The following CTNNA1 variants were observed in gnomAD, a reference collection of about 807,000 sequenced individuals.
The protein encoded by CTNNA1 is catenin alpha 1.
A neutral mutation model predicts 98.4 loss-of-function variants in CTNNA1; 37 were observed. The observed-to-expected ratio is 0.38, with a 90% CI of 0.29 to 0.49. The LOEUF (loss-of-function observed/expected upper bound fraction) is 0.49, where lower values mean the gene tolerates loss of function less well. Ranked by LOEUF, CTNNA1 falls within the 20% of genes least tolerant of loss-of-function variation. The pLI is 0.95. For synonymous variants in CTNNA1, 404 were observed against 413.2 expected (o/e 0.98, Z 0.27); for missense variants, 761 against 1,147.2 (o/e 0.66, Z 4.86).
intron 3 of CTNNA1, among the ~76,000 whole-genome samples, chr5:138,800,947 A>G (rs960748185): frequency 6.6e-6 from 1 of 152,178 alleles, no homozygotes; most frequent in African/African-American, 2.4e-5. Flanking sequence ...TAGTACTTCC[A>G]GCATCACTAG....
chr5:138,851,177 CAG>C (rs952758755), intron 7 of CTNNA1, among the ~76,000 whole-genome samples: 8 of 152,118 alleles, frequency 5.3e-5, no homozygotes, highest in Non-Finnish European at 1.0e-4. Context: ...TCATGGATGA[CAG>C]GGGGCAGAGA....
At chr5:138,806,050 A>AT (rs1243407007) in intron 3 of CTNNA1, among the ~76,000 whole-genome samples, 1 of 152,146 alleles carries the variant, frequency 6.6e-6, no homozygotes, top group Non-Finnish European at 1.5e-5. Context: ...GTTTTGATAA[A>AT]TTTTGTAAGT....
At chr5:138,857,446 A>G (rs1303782622) in intron 7 of CTNNA1, among the ~76,000 whole-genome samples, 2 of 152,100 alleles carry the variant, frequency 1.3e-5, no homozygotes, top group South Asian at 4.2e-4. Context: ...TTTTGTACCA[A>G]GCTCAAAGCT....
chr5:138,785,279 T>C (rs906858023), intron 3 of CTNNA1, among the ~76,000 whole-genome samples: 1 of 151,860 alleles, frequency 6.6e-6, no homozygotes, highest in Non-Finnish European at 1.5e-5. Flanking sequence ...GCCGGGATGG[T>C]CTCGATCTCC....
At chr5:138,779,718 T>G (rs1258710587) in intron 1 of CTNNA1, among the ~76,000 whole-genome samples, 4 of 64,500 alleles carry the variant, frequency 6.2e-5, no homozygotes, top group East Asian at 0.016. Context: ...TTTTTTTTTG[T>G]TTTTGTTTTT....
chr5:138,815,004 G>A (rs377397988), intron 5 of CTNNA1, among the ~76,000 whole-genome samples: 4 of 152,028 alleles, frequency 2.6e-5, no homozygotes, highest in South Asian at 2.1e-4. Flanking sequence ...CACCTGCCTC[G>A]GTCTCCCAAA....
At chr5:138,837,531 TCC>T (rs551423044) in intron 7 of CTNNA1, among the ~76,000 whole-genome samples, 7 of 89,290 alleles carry the variant, frequency 7.8e-5, no homozygotes, top group Non-Finnish European at 1.1e-4. Context: ...CTCCCTCTCC[TCC>T]CCCCCCTTTC....
At chr5:138,931,509 G>A (rs1765312952) in intron 16 of CTNNA1, 1 of 771,242 alleles carries the variant, frequency 1.3e-6, no homozygotes, top group African/African-American at 1.9e-5. Context: ...GCCACAGGAT[G>A]TGTGAGACAC....
At chr5:138,809,222 A>G (rs934002947) in intron 3 of CTNNA1, among the ~76,000 whole-genome samples, 2 of 152,218 alleles carry the variant, frequency 1.3e-5, no homozygotes, top group Admixed American at 6.5e-5. Context: ...TCTATTTTAT[A>G]TGTTTTTAGC....
chr5:138,924,260 TTGTG>T (rs963794876), intron 11 of CTNNA1, among the ~76,000 whole-genome samples: 2 of 151,534 alleles, frequency 1.3e-5, no homozygotes, highest in Admixed American at 6.6e-5. Flanking sequence ...CCTGTTTTTT[TTGTG>T]TGTGTTTTTT....
rs386405098 is a variant in CTNNA1 at position 138,921,596 on chromosome 5, A to ATTTTTTTTTTT, written c.1547-2901_1547-2891dup. Among the ~76,000 whole-genome samples the ATTTTTTTTTTT allele has an allele frequency of 6.7e-5, 7 of 104,036 alleles. 1 individual carries two copies. Among genetic ancestry groups the ATTTTTTTTTTT allele is most frequent in the African/African-American group, 2.9e-4 (7 of 24,470 alleles). The allele number at this position is 104,036 out of a possible 152,430, so 68.3% of individuals were successfully genotyped here. ...AAGTGGTGAAGTTAGATTAGTGGTG[A>ATTTTTTTTTTT]TTTTTTTTTTTTTTTTTTTTTTTGA... On this transcript the variant is annotated intron_variant, in intron 11 of 17. Transcript: ENST00000302763.
intron 1 of CTNNA1, chr5:138,753,994 C>CG (rs1192740261): frequency 6.6e-6 from 1 of 152,272 alleles, no homozygotes; most frequent in Non-Finnish European, 1.5e-5. Flanking sequence ...TTCCTGCCCC[C>CG]TCCCCCTTCC....
intron 7 of CTNNA1, among the ~76,000 whole-genome samples, chr5:138,843,341 A>G (rs910340986): frequency 2.1e-4 from 32 of 152,072 alleles, no homozygotes; most frequent in African/African-American, 6.0e-4. Context: ...TTTAAAGGAC[A>G]TGTCATCACC....
At chr5:138,785,912 C>T (rs959986933) in intron 3 of CTNNA1, among the ~76,000 whole-genome samples, 1 of 152,130 alleles carries the variant, frequency 6.6e-6, no homozygotes, top group Non-Finnish European at 1.5e-5. Context: ...TTTTAAAATG[C>T]ATTTAATTGT....
chr5:138,821,038 A>G (rs909832966), intron 5 of CTNNA1, among the ~76,000 whole-genome samples: 2 of 152,204 alleles, frequency 1.3e-5, no homozygotes, highest in African/African-American at 2.4e-5. Flanking sequence ...GTGGTGTTCA[A>G]TAAATATTTG....
chr5:138,822,247 C>T (rs908209977), intron 5 of CTNNA1, among the ~76,000 whole-genome samples: 1 of 152,126 alleles, frequency 6.6e-6, no homozygotes. Context: ...CACCAATTCT[C>T]TAAATCCACA....
intron 7 of CTNNA1, chr5:138,880,947 A>C (rs1752766144): frequency 7.1e-6 from 3 of 421,788 alleles, no homozygotes; most frequent in South Asian, 3.4e-5. Context: ...AAAAAAAAAA[A>C]CACATTGAAT....
intron 1 of CTNNA1, among the ~76,000 whole-genome samples, chr5:138,764,691 G>A (rs1320399294): frequency 1.3e-5 from 2 of 151,292 alleles, no homozygotes; most frequent in South Asian, 2.1e-4. Context: ...GGCTGGTCTC[G>A]AACTCCTGAC....
intron 3 of CTNNA1, among the ~76,000 whole-genome samples, chr5:138,801,264 C>T (rs1415763636): frequency 1.3e-5 from 2 of 152,108 alleles, no homozygotes; most frequent in African/African-American, 2.4e-5. Flanking sequence ...GCACCATGTA[C>T]GGCCTGTGTT....
Sources: gnomAD v4.1 joint callset for allele counts (sites outside exome capture counted in the v4.1 genomes callset) on GRCh38, gnomAD v4.1.1 for gene constraint, MANE v1.5 for transcripts, NCBI Gene and HGNC (gene_info 2026-07-23, HGNC 2026-07-21) for gene names.